Variants in CDKAL1 observed in about 807,000 individuals in gnomAD.
The protein encoded by CDKAL1 is threonylcarbamoyladenosine tRNA methylthiotransferase.
Under a neutral mutation model 68.2 loss-of-function variants are expected in CDKAL1, and 32 were observed. The ratio of observed to expected loss-of-function variants is 0.47; its 90% confidence interval spans 0.35 to 0.63. The LOEUF (loss-of-function observed/expected upper bound fraction) is 0.63. Ranked by LOEUF, CDKAL1 falls within the 30% of genes least tolerant of loss-of-function variation. The pLI, the probability that CDKAL1 is intolerant of heterozygous loss-of-function variation, is 0.00. For missense variants in CDKAL1, 606 were observed against 696.7 expected (o/e 0.87, Z 1.47); for synonymous variants, 234 against 244.3 (o/e 0.96, Z 0.39).
At chr6:20,827,035 A>C (rs148078338) in intron 8 of CDKAL1, among the ~76,000 whole-genome samples, 3 of 152,302 alleles carry the variant, frequency 2.0e-5, no homozygotes, top group African/African-American at 4.8e-5. Context: ...CAAAACCAAC[A>C]ATACTATGAT....
At chr6:21,158,207 A>C (rs1776738446) in intron 13 of CDKAL1, among the ~76,000 whole-genome samples, 1 of 152,234 alleles carries the variant, frequency 6.6e-6, no homozygotes, top group African/African-American at 2.4e-5. Flanking sequence ...AATTTACACA[A>C]GGAGGTTTCT....
intron 9 of CDKAL1, among the ~76,000 whole-genome samples, chr6:20,883,717 AT>A (rs1760934448): frequency 6.6e-6 from 1 of 152,242 alleles, no homozygotes; most frequent in South Asian, 2.1e-4. Context: ...GTACAATATT[AT>A]CATAGAATCT....
rs1330533324 is a variant in CDKAL1 at position 20,955,578 on chromosome 6, A to T, written c.902A>T (p.His301Leu). ...ACAAATCCGCCCTATATTTTAGAGC[A>T]TCTGGAGGTAAGGAAAAGCACCCTA... Reference protein sequence around the residue: ...GMTNPPYILEHLEEMAKILNH... With the variant: ...GMTNPPYILELLEEMAKILNH... The change falls in exon 10 of 16, where the codon CAT becomes CTT. Residue 301 changes from histidine (H) to leucine (L), a missense_variant. His to Leu is a moderately conservative substitution (Grantham distance 99, BLOSUM62 -3). Coordinates refer to ENST00000274695, the MANE Select transcript of CDKAL1 (RefSeq NM_017774.3). 14 of 1,614,060 alleles carry T rather than the reference A, an allele frequency of 8.7e-6. No homozygotes were observed. The highest frequency in any genetic ancestry group is 1.2e-5 in the Non-Finnish European group (14 of 1,179,950).
intron 9 of CDKAL1, among the ~76,000 whole-genome samples, chr6:20,888,273 G>T (rs1761191429): frequency 1.3e-5 from 2 of 151,518 alleles, no homozygotes; most frequent in South Asian, 4.2e-4. Context: ...ATGGTTTCCA[G>T]CTTCATCCAT....
At chr6:21,221,813 AAGTTCAGAG>A (rs1403169162) in intron 15 of CDKAL1, among the ~76,000 whole-genome samples, 3 of 152,240 alleles carry the variant, frequency 2.0e-5, no homozygotes, top group Admixed American at 6.5e-5. Flanking sequence ...CCATTAAAGT[AAGTTCAGAG>A]CTTAAGAGTT....
At chr6:20,799,347 C>T (rs549798420) in intron 8 of CDKAL1, among the ~76,000 whole-genome samples, 12 of 152,056 alleles carry the variant, frequency 7.9e-5, no homozygotes, top group South Asian at 2.1e-4. Flanking sequence ...CCACCGTGCC[C>T]GGCCTAGAAC....
chr6:21,128,695 A>C (rs1486253222), intron 13 of CDKAL1, among the ~76,000 whole-genome samples: 1 of 152,222 alleles, frequency 6.6e-6, no homozygotes, highest in Non-Finnish European at 1.5e-5. Context: ...ATTAAGAATA[A>C]AAGCTTGGGT....
chr6:20,694,064 G>GTGTGTGTGTGTGTGTGTGTA (rs1562031236), intron 5 of CDKAL1, among the ~76,000 whole-genome samples: 5 of 38,884 alleles, frequency 1.3e-4, no homozygotes, highest in Non-Finnish European at 3.7e-4. Context: ...GTGTGTGTAT[G>GTGTGTGTGTGTGTGTGTGTA]TGTGTGTGTG....
At chr6:20,794,033 T>G (rs1017474204) in intron 8 of CDKAL1, among the ~76,000 whole-genome samples, 4 of 151,736 alleles carry the variant, frequency 2.6e-5, no homozygotes, top group Admixed American at 1.3e-4. Flanking sequence ...TTTCTAAACT[T>G]AGAGACCTGT....
At chr6:20,958,900 A>G (rs993124287) in intron 10 of CDKAL1, among the ~76,000 whole-genome samples, 1 of 151,834 alleles carries the variant, frequency 6.6e-6, no homozygotes, top group African/African-American at 2.4e-5. Flanking sequence ...AACTTAAAAG[A>G]AAAAAAACCA....
intron 5 of CDKAL1, among the ~76,000 whole-genome samples, chr6:20,675,309 A>G (rs1219978001): frequency 6.6e-6 from 1 of 152,186 alleles, no homozygotes; most frequent in Non-Finnish European, 1.5e-5. Flanking sequence ...TTCCCTGAGA[A>G]CACATCTGGT....
chr6:20,763,720 T>A (rs1774570869), intron 7 of CDKAL1, among the ~76,000 whole-genome samples: 1 of 152,214 alleles, frequency 6.6e-6, no homozygotes, highest in Non-Finnish European at 1.5e-5. Context: ...ACTAATAAGG[T>A]ACATTGATAC....
chr6:21,072,896 G>A (rs1445930075), intron 12 of CDKAL1, among the ~76,000 whole-genome samples: 1 of 151,810 alleles, frequency 6.6e-6, no homozygotes, highest in African/African-American at 2.4e-5. Flanking sequence ...ACATTATATG[G>A]GTTTTGACAA....
At chr6:21,076,749 CT>C (rs1470705697) in intron 12 of CDKAL1, among the ~76,000 whole-genome samples, 1 of 152,128 alleles carries the variant, frequency 6.6e-6, no homozygotes, top group Admixed American at 6.5e-5. Flanking sequence ...TTTAACTTCT[CT>C]TTTTTAGAAA....
At chr6:20,639,692 T>C (rs1768075474) in intron 4 of CDKAL1, among the ~76,000 whole-genome samples, 2 of 152,340 alleles carry the variant, frequency 1.3e-5, no homozygotes, top group South Asian at 2.1e-4. Context: ...GTTTTTTGAG[T>C]TGGAGTCTCG....
At chr6:21,060,876 T>C (rs979823712) in intron 11 of CDKAL1, among the ~76,000 whole-genome samples, 3 of 152,130 alleles carry the variant, frequency 2.0e-5, no homozygotes, top group African/African-American at 7.2e-5. Context: ...TGCTGATCAT[T>C]TTTCTCTTTG....
intron 4 of CDKAL1, among the ~76,000 whole-genome samples, chr6:20,584,785 C>G (rs943495840): frequency 2.0e-5 from 3 of 152,182 alleles, no homozygotes; most frequent in Admixed American, 2.0e-4. Flanking sequence ...GTTATTTAGA[C>G]CTGCCGGATG....
At chr6:20,997,596 A>G (rs1405151185) in intron 10 of CDKAL1, among the ~76,000 whole-genome samples, 2 of 152,154 alleles carry the variant, frequency 1.3e-5, no homozygotes, top group African/African-American at 2.4e-5. Flanking sequence ...TAACATTTTA[A>G]TTTGTAAATT....
intron 4 of CDKAL1, among the ~76,000 whole-genome samples, chr6:20,594,417 T>G (rs1302093284): frequency 6.6e-6 from 1 of 152,236 alleles, no homozygotes; most frequent in Admixed American, 6.5e-5. Flanking sequence ...GTTGATCCCT[T>G]TACCATTATG....
Sources: gnomAD v4.1 joint callset for allele counts (sites outside exome capture counted in the v4.1 genomes callset) on GRCh38, gnomAD v4.1.1 for gene constraint, MANE v1.5 for transcripts, NCBI Gene and HGNC (gene_info 2026-07-23, HGNC 2026-07-21) for gene names.